GOLGB1: variants seen among roughly 807,000 people sequenced by gnomAD.
GOLGB1 encodes the protein golgin subfamily B member 1.
Under a neutral mutation model 336.9 loss-of-function variants are expected in GOLGB1, and 174 were observed. The ratio of observed to expected loss-of-function variants is 0.52; its 90% CI spans 0.46 to 0.59. The LOEUF (loss-of-function observed/expected upper bound fraction) is 0.59, where lower values mean the gene tolerates loss of function less well. Ranked by LOEUF, GOLGB1 falls within the 20% of genes least tolerant of loss-of-function variation. The pLI, the probability that GOLGB1 is intolerant of heterozygous loss-of-function variation, is 0.00. For missense variants in GOLGB1, 3,331 were observed against 3,645.3 expected (o/e 0.91, Z 2.22); for synonymous variants, 1,208 against 1,289.2 (o/e 0.94, Z 1.35).
Position 121,710,683 on chromosome 3 carries a change from TAAAC to T in GOLGB1, c.1404+4174_1404+4177del, listed in dbSNP as rs748122421. Among the ~76,000 whole-genome samples, 12 of 151,648 alleles carry T rather than the reference TAAAC, an allele frequency of 7.9e-5. No homozygotes were observed. In the South Asian group the frequency reaches 1.9e-3, roughly 24 times the overall value. On this transcript the variant is annotated intron_variant, in intron 10 of 21. Coordinates refer to ENST00000614479, the MANE Select transcript of GOLGB1 (RefSeq NM_001366282.2). ...ATGAAATTCCATTTCCACCAATAAA[TAAAC>T]AAACAAACAAACACATAAAAATAGC...
intron 10 of GOLGB1, among the ~76,000 whole-genome samples, chr3:121,707,237 A>C (rs952129712): frequency 2.0e-4 from 30 of 150,734 alleles, no homozygotes; most frequent in African/African-American, 6.8e-4. Flanking sequence ...AAAAAAAAAA[A>C]AAAAACAAAA....
chr3:121,726,704 G>A (rs539762875), intron 5 of GOLGB1, among the ~76,000 whole-genome samples: 2 of 151,798 alleles, frequency 1.3e-5, no homozygotes, highest in South Asian at 4.2e-4. Context: ...GAGTATACTG[G>A]GTATCTATGA....
rs1012115641 is a variant in GOLGB1, at chr3:121,693,862, T to C, written c.6661A>G (p.Ser2221Gly). 1.5e-5 allele frequency: 24 copies of C among 1,613,776 alleles called. No homozygotes were observed. Among genetic ancestry groups the C allele is most frequent in the Non-Finnish European group, 1.8e-5 (21 of 1,179,732 alleles). Residue 2221 changes from serine (S) to glycine (G), a missense_variant, in exon 13 of 22, where the codon AGT becomes GGT. Coordinates refer to ENST00000614479, the MANE Select transcript of GOLGB1 (RefSeq NM_001366282.2). Reference protein sequence around the residue: ...DEAKKWERKFSDAIQSKEEEI... With the variant: ...DEAKKWERKFGDAIQSKEEEI... ...TCTTCTTTGCTTTGAATCGCATCAC[T>C]AAACTTCCTCTCCCATTTCTTAGCT... is the stretch of plus-strand genomic sequence containing the variant.
chr3:121,671,480 A>G (rs1401540859), intron 17 of GOLGB1, among the ~76,000 whole-genome samples: 1 of 152,224 alleles, frequency 6.6e-6, no homozygotes, highest in African/African-American at 2.4e-5. Context: ...TAACTTATAC[A>G]CAACCTCCCA....
chr3:121,712,938 C>A (rs1038674329), intron 10 of GOLGB1, among the ~76,000 whole-genome samples: 8 of 151,934 alleles, frequency 5.3e-5, no homozygotes, highest in African/African-American at 9.7e-5. Context: ...CCGAGGTGGG[C>A]GGATCACGAG....
intron 1 of GOLGB1, among the ~76,000 whole-genome samples, chr3:121,736,107 C>T (rs539314545): frequency 6.6e-6 from 1 of 152,228 alleles, no homozygotes; most frequent in Admixed American, 6.5e-5. Context: ...AAATACCCAT[C>T]AGTCAATACT....
intron 17 of GOLGB1, among the ~76,000 whole-genome samples, chr3:121,676,528 A>G (rs1160459992): frequency 2.0e-5 from 3 of 152,216 alleles, no homozygotes; most frequent in African/African-American, 4.8e-5. Flanking sequence ...AGGTGCCACT[A>G]AAGAATATTT....
Position 121,664,438 on chromosome 3 carries a change from T to C in GOLGB1, c.*42A>G. On this transcript the variant is annotated 3_prime_UTR_variant, in exon 22 of 22. Coordinates refer to ENST00000614479, the MANE Select transcript of GOLGB1 (RefSeq NM_001366282.2). The stretch of plus-strand genomic sequence containing the variant: ...GTTCTGATGTTAGAGGTGAGAGAAT[T>C]CCAAGTTTTGAGGGGAGTGGTCCAA... The C allele has an allele frequency of 6.4e-7, 1 of 1,567,544 alleles. No individual in the cohort carries two copies. The highest frequency in any genetic ancestry group is 8.8e-7 in the Non-Finnish European group (1 of 1,137,870).
At position 121,664,625 on chromosome 3, in the gene GOLGB1, A is replaced by C. The variant is rs1471895817; in HGVS notation, c.9661-11T>G. The C allele has an allele frequency of 1.9e-6, 3 of 1,613,470 alleles. No homozygotes were observed. The highest frequency in any genetic ancestry group is 2.7e-5 in the African/African-American group (2 of 74,908). On this transcript the variant is annotated splice_polypyrimidine_tract_variant and intron_variant, in intron 21 of 21. Transcript: ENST00000614479. ...AACGCCACTCCGGGTCTGAAAGAAA[A>C]ATGTGAAAGTCAGAGAGTTTTCACC...
chr3:121,711,089 G>A (rs1340912672), intron 10 of GOLGB1, among the ~76,000 whole-genome samples: 1 of 152,052 alleles, frequency 6.6e-6, no homozygotes, highest in African/African-American at 2.4e-5. Context: ...AACTACCTGG[G>A]AGGCTGAGGC....
intron 1 of GOLGB1, among the ~76,000 whole-genome samples, chr3:121,739,100 A>C (rs1946680276): frequency 6.6e-6 from 1 of 152,048 alleles, no homozygotes; most frequent in Non-Finnish European, 1.5e-5. Context: ...CATCTCTACA[A>C]AATTTTTTTA....
chr3:121,682,602 A>T (rs532292133), intron 14 of GOLGB1, among the ~76,000 whole-genome samples: 3 of 152,212 alleles, frequency 2.0e-5, no homozygotes, highest in Non-Finnish European at 4.4e-5. Context: ...CATTTCAGAT[A>T]TATTTTCAAC....
intron 1 of GOLGB1, among the ~76,000 whole-genome samples, chr3:121,733,633 T>C (rs556275183): frequency 2.0e-5 from 3 of 152,134 alleles, no homozygotes; most frequent in African/African-American, 4.8e-5. Context: ...CTCTAAAACA[T>C]ATGAAAAGGC....
chr3:121,727,370 C>T (rs1945758514), intron 4 of GOLGB1, among the ~76,000 whole-genome samples: 1 of 118,388 alleles, frequency 8.4e-6, no homozygotes, highest in Admixed American at 1.1e-4. Flanking sequence ...AGCATGTGAA[C>T]CCAAAACTGT....
chr3:121,671,855 C>T (rs1057293038), intron 17 of GOLGB1, among the ~76,000 whole-genome samples: 1 of 143,462 alleles, frequency 7.0e-6, no homozygotes, highest in Non-Finnish European at 1.5e-5. Context: ...TCATGAGATT[C>T]ACTTTTTTTT....
Position 121,735,846 on chromosome 3 carries a change from A to G in GOLGB1, c.-2-4873T>C, listed in dbSNP as rs74906598. On this transcript the variant is annotated intron_variant, in intron 1 of 21. Coordinates refer to ENST00000614479, the MANE Select transcript of GOLGB1 (RefSeq NM_001366282.2). ...CCTCAGTAGCAATGAGCGCATCCAG[A>G]TCTCGATTTCTAAATTGCCAATCTC... Among the ~76,000 whole-genome samples, 121 of 152,308 alleles carry G rather than the reference A, an allele frequency of 7.9e-4. No individual in the cohort carries two copies. The East Asian group carries it at 0.021, about 27-fold the overall frequency.
chr3:121,694,063 G>C lies in GOLGB1; in HGVS notation c.6460C>G (p.Arg2154Gly), dbSNP rs114710035. The change falls in exon 13 of 22, where the codon CGC becomes GGC. Residue 2154 changes from arginine (R) to glycine (G), a missense_variant. Arg to Gly is a moderately radical substitution (Grantham distance 125, BLOSUM62 -2). Coordinates refer to ENST00000614479, the MANE Select transcript of GOLGB1 (RefSeq NM_001366282.2). The part of the protein sequence containing the change: ...KNMQEKLDAL[R>G]REKVHLEETI... ...TCTTCCAAGTGGACTTTTTCTCTGCGCAAAGCATCCAGTTTCTCTTGCATA... is the reference window on the plus strand; with the variant it reads ...TCTTCCAAGTGGACTTTTTCTCTGCCCAAAGCATCCAGTTTCTCTTGCATA... 2 of 1,613,702 alleles carry C rather than the reference G, an allele frequency of 1.2e-6. No individual in the cohort carries two copies. Among genetic ancestry groups the C allele is most frequent in the South Asian group, 1.1e-5 (1 of 91,076 alleles).
rs753215379 is a variant in GOLGB1, at chr3:121,698,646, T to C, written c.1877A>G (p.Asp626Gly). The change falls in exon 13 of 22, where the codon GAT (aspartate) becomes GGT (glycine). Residue 626 changes from aspartate to glycine, a missense_variant. Transcript: ENST00000614479. ...MKVFLEDTGQ[D>G]FPLMPNEESS... ...CTCTTCATTTGGCATTAAGGGAAAA[T>C]CTTGCCCTGTATCTTCAAGAAATAC... 2 of 1,613,758 alleles carry C rather than the reference T, an allele frequency of 1.2e-6. No individual in the cohort carries two copies. Among genetic ancestry groups the C allele is most frequent in the Admixed American group, 1.7e-5 (1 of 59,970 alleles).
intron 10 of GOLGB1, among the ~76,000 whole-genome samples, chr3:121,708,283 A>T (rs1944059777): frequency 6.6e-6 from 1 of 151,960 alleles, no homozygotes; most frequent in Non-Finnish European, 1.5e-5. Context: ...ACATGAAAAA[A>T]CTTCTAGAGA....
Sources: gnomAD v4.1 joint callset for allele counts (sites outside exome capture counted in the v4.1 genomes callset) on GRCh38, gnomAD v4.1.1 for gene constraint, MANE v1.5 for transcripts, NCBI Gene and HGNC (gene_info 2026-07-23, HGNC 2026-07-21) for gene names.